The following CCBE1 variants were observed in gnomAD, a reference collection of about 807,000 sequenced individuals.
CCBE1 encodes collagen and calcium binding EGF domains 1, also known as collagen and calcium-binding EGF domain-containing protein 1.
A neutral mutation model predicts 50.0 loss-of-function variants in CCBE1; 37 were observed. That is an observed-to-expected ratio of 0.74 (90% CI 0.57 to 0.97). The LOEUF is 0.97. Among genes scored for constraint, CCBE1 ranks in the 50% least tolerant of loss-of-function variants. The pLI, the probability that CCBE1 is intolerant of heterozygous loss-of-function variation, is 0.00. For synonymous variants in CCBE1, 234 were observed against 203.7 expected, an observed-to-expected ratio of 1.15 and a Z score of -1.27; for missense variants, 538 against 523.8, an observed-to-expected ratio of 1.03 and a Z score of -0.26.
At chr18:59,464,860 A>C (rs1911665957) in intron 5 of CCBE1, 1 of 152,194 alleles carries the variant, frequency 6.6e-6, no homozygotes, top group Non-Finnish European at 1.5e-5. Context: ...TGGTTTTTTC[A>C]TCTCTGCATT....
At chr18:59,624,579 A>T (rs868463566) in intron 2 of CCBE1, among the ~76,000 whole-genome samples, 23 of 152,342 alleles carry the variant, frequency 1.5e-4, no homozygotes, top group African/African-American at 5.3e-4. Context: ...GGAGTTTTTA[A>T]ATATTGCTAT....
At chr18:59,534,289 A>G (rs189691126) in intron 2 of CCBE1, among the ~76,000 whole-genome samples, 6 of 152,366 alleles carry the variant, frequency 3.9e-5, no homozygotes, top group Admixed American at 2.6e-4. Flanking sequence ...AAAGTTGAAA[A>G]TCAAAGTAAA....
At chr18:59,697,161 G>A (rs1177660006) in intron 1 of CCBE1, 51 bp downstream of exon 1, 16 of 1,545,788 alleles carry the variant, frequency 1.0e-5, no homozygotes, top group South Asian at 1.2e-5. Flanking sequence ...CCCGCGAGCC[G>A]GGCGCGCATC....
chr18:59,574,589 C>T (rs1257761407), intron 2 of CCBE1, among the ~76,000 whole-genome samples: 1 of 152,328 alleles, frequency 6.6e-6, no homozygotes, highest in Admixed American at 6.5e-5. Context: ...TAACTTTAAA[C>T]TTCTATACTC....
chr18:59,675,298 G>T (rs115848582), intron 2 of CCBE1, among the ~76,000 whole-genome samples: 2 of 152,152 alleles, frequency 1.3e-5, no homozygotes, highest in Non-Finnish European at 2.9e-5. Flanking sequence ...TCTGCATTGT[G>T]TACCAACCAT....
chr18:59,588,600 T>G (rs192609987), intron 2 of CCBE1, among the ~76,000 whole-genome samples: 1 of 152,192 alleles, frequency 6.6e-6, no homozygotes, highest in Non-Finnish European at 1.5e-5. Flanking sequence ...TTCTACCAGA[T>G]AGCAAGAAGT....
intron 2 of CCBE1, among the ~76,000 whole-genome samples, chr18:59,512,070 T>C (rs1208331587): frequency 6.6e-6 from 1 of 152,246 alleles, no homozygotes; most frequent in African/African-American, 2.4e-5. Flanking sequence ...CACAAGTTTC[T>C]ACTTCCAGCA....
chr18:59,459,558 G>A (rs1020720182), intron 5 of CCBE1, among the ~76,000 whole-genome samples: 2 of 152,032 alleles, frequency 1.3e-5, no homozygotes, highest in Non-Finnish European at 2.9e-5. Context: ...AGCCACATGG[G>A]GGCATGAAGC....
intron 2 of CCBE1, among the ~76,000 whole-genome samples, chr18:59,547,001 C>A (rs1248176884): frequency 1.5e-5 from 2 of 132,802 alleles, no homozygotes; most frequent in African/African-American, 5.8e-5. Context: ...AAAGCAGGAC[C>A]ATCAGGGCTG....
At chr18:59,660,735 T>A (rs9962751) in intron 2 of CCBE1, among the ~76,000 whole-genome samples, 4 of 151,510 alleles carry the variant, frequency 2.6e-5, no homozygotes, top group East Asian at 3.9e-4. Context: ...GTATTTTTTT[T>A]AAATATGATA....
chr18:59,601,731 C>G (rs551209850), intron 2 of CCBE1, among the ~76,000 whole-genome samples: 7 of 152,300 alleles, frequency 4.6e-5, no homozygotes, highest in Middle Eastern at 3.4e-3. Context: ...TATCATCTAA[C>G]ATCAAAACTT....
chr18:59,561,221 G>A (rs2052732708), intron 2 of CCBE1, among the ~76,000 whole-genome samples: 1 of 152,234 alleles, frequency 6.6e-6, no homozygotes, highest in Non-Finnish European at 1.5e-5. Context: ...TAATGGGCCT[G>A]TGTACCCAAA....
In CCBE1 at chr18:59,518,435, G is replaced by A. The variant is rs903007666; in HGVS notation, c.213-38197C>T. ...GAACTTGGGAGGCAGAGGTTGCAGT[G>A]AGCCAAGAACAAGCCATTCATAAAA... On this transcript the variant is annotated intron_variant, in intron 2 of 10. Coordinates refer to ENST00000439986, the MANE Select transcript of CCBE1 (RefSeq NM_133459.4). 2.0e-5 allele frequency among the ~76,000 whole-genome samples: 3 copies of A among 152,320 alleles called. No homozygotes were observed. In the East Asian group the frequency reaches 5.8e-4, roughly 29 times the overall value.
At position 59,601,010 on chromosome 18, in the gene CCBE1, G is replaced by GTTTTTTTTTTTTTTTT. The variant is rs71177045; in HGVS notation, c.212+95603_212+95618dup. Among the ~76,000 whole-genome samples, 28 of 58,010 alleles carry GTTTTTTTTTTTTTTTT rather than the reference G, an allele frequency of 4.8e-4. 8 individuals carry two copies. The highest frequency in any genetic ancestry group is 6.7e-4 in the Non-Finnish European group (19 of 28,344). 38.1% of individuals were successfully genotyped at this position (58,010 alleles called of 152,430 possible). On this transcript the variant is annotated intron_variant, in intron 2 of 10. Coordinates refer to ENST00000439986, the MANE Select transcript of CCBE1 (RefSeq NM_133459.4). ...GATCTATTTTATTAGCTATGTGTCA[G>GTTTTTTTTTTTTTTTT]TTTTTTTTTTTTTTTTTTTTTTTTT...
chr18:59,649,052 G>A (rs2054093107), intron 2 of CCBE1, among the ~76,000 whole-genome samples: 1 of 152,210 alleles, frequency 6.6e-6, no homozygotes, highest in Non-Finnish European at 1.5e-5. Flanking sequence ...TCTGAGGAGA[G>A]GACGATTCAG....
intron 2 of CCBE1, among the ~76,000 whole-genome samples, chr18:59,640,549 A>T (rs1244730206): frequency 6.6e-6 from 1 of 152,184 alleles, no homozygotes; most frequent in Non-Finnish European, 1.5e-5. Context: ...TCTAATAAAT[A>T]CCATTCTGGA....
chr18:59,558,092 T>C (rs1183054022), intron 2 of CCBE1, among the ~76,000 whole-genome samples: 1 of 152,214 alleles, frequency 6.6e-6, no homozygotes, highest in African/African-American at 2.4e-5. Context: ...GTCTCCTTTC[T>C]AAGGGATTGT....
chr18:59,476,331 T>G (rs1392160724), intron 3 of CCBE1, among the ~76,000 whole-genome samples: 1 of 152,158 alleles, frequency 6.6e-6, no homozygotes, highest in Non-Finnish European at 1.5e-5. Flanking sequence ...AGGGACTGTG[T>G]CCCCTTGAGA....
At chr18:59,504,131 T>C (rs974523782) in intron 2 of CCBE1, among the ~76,000 whole-genome samples, 1 of 152,212 alleles carries the variant, frequency 6.6e-6, no homozygotes, top group Non-Finnish European at 1.5e-5. Flanking sequence ...TCAAACATCA[T>C]TGAGTTTTTG....
Sources: gnomAD v4.1 joint callset for allele counts (sites outside exome capture counted in the v4.1 genomes callset) on GRCh38, gnomAD v4.1.1 for gene constraint, MANE v1.5 for transcripts, NCBI Gene and HGNC (gene_info 2026-07-23, HGNC 2026-07-21) for gene names.